The following KANTR variants were observed in gnomAD, a reference collection of about 807,000 sequenced individuals.
KANTR encodes the protein KDM5C adjacent transcript.
intron 2 of KANTR, among the ~76,000 whole-genome samples, chrX:53,110,186 C>G (rs950297478): frequency 8.0e-5 from 9 of 111,887 alleles, no homozygotes; most frequent in South Asian, 3.7e-4. Context: ...TGACTTATTC[C>G]TCTGGCTGGA....
chrX:53,123,128 A>C (rs1448487077), intron 2 of KANTR, among the ~76,000 whole-genome samples: 1 of 109,922 alleles, frequency 9.1e-6, no homozygotes, highest in African/African-American at 3.3e-5. Context: ...TTCCATGTTT[A>C]TTTTATAAGC....
chrX:53,108,549 A>G (rs1366445807), intron 2 of KANTR, among the ~76,000 whole-genome samples: 1 of 112,099 alleles, frequency 8.9e-6, no homozygotes. Context: ...TAGAAATACA[A>G]TAGATTTTTG....
At chrX:53,147,277 A>G (rs782446787), downstream of KANTR, among the ~76,000 whole-genome samples, 4 of 111,927 alleles carry the variant, frequency 3.6e-5, no homozygotes, top group African/African-American at 6.5e-5. Context: ...AGGAAGACCT[A>G]CGAAGCAAAT....
At chrX:53,116,333 G>A (rs1052882162) in intron 2 of KANTR, among the ~76,000 whole-genome samples, 1 of 112,159 alleles carries the variant, frequency 8.9e-6, no homozygotes, top group African/African-American at 3.2e-5. Context: ...CTTTCACTTT[G>A]TACTTGCACA....
At chrX:53,142,976 T>C, downstream of KANTR, 4 of 1,007,220 alleles carry the variant, frequency 4.0e-6, no homozygotes, top group Non-Finnish European at 4.2e-6. Flanking sequence ...TTCATGGTGC[T>C]GGATGCCAGC....
intron 2 of KANTR, among the ~76,000 whole-genome samples, chrX:53,117,049 A>C (rs1241899919): frequency 9.0e-6 from 1 of 111,656 alleles, no homozygotes; most frequent in Admixed American, 9.5e-5. Flanking sequence ...TGGGAGGCTG[A>C]GGCGGGTGAA....
At chrX:53,125,475 C>G (rs1182225283) in exon 3 of KANTR, 2 of 111,317 alleles carry the variant, frequency 1.8e-5, no homozygotes, top group African/African-American at 6.5e-5. Flanking sequence ...TTCATTTTCT[C>G]TTTTCTCGCC....
intron 1 of KANTR, among the ~76,000 whole-genome samples, chrX:53,098,050 C>CAAAAAAAA (rs782145330): frequency 3.9e-4 from 17 of 44,067 alleles, no homozygotes; most frequent in Non-Finnish European, 5.2e-4. Context: ...GACTCTGTCT[C>CAAAAAAAA]AAAAAAAAAA....
intron 2 of KANTR, among the ~76,000 whole-genome samples, chrX:53,108,491 C>G (rs782411021): frequency 6.5e-4 from 73 of 111,501 alleles, no homozygotes; most frequent in African/African-American, 2.2e-3. Flanking sequence ...GCATGAACCA[C>G]TGCACCCAGC....
At chrX:53,127,645 C>A (rs1933305305), downstream of KANTR, among the ~76,000 whole-genome samples, 1 of 111,333 alleles carries the variant, frequency 9.0e-6, no homozygotes, top group Non-Finnish European at 1.9e-5. Context: ...GTGGCAAAGC[C>A]CCATATTTTC....
chrX:53,126,604 G>A (rs1345731867), exon 3 of KANTR: 1 of 111,621 alleles, frequency 9.0e-6, no homozygotes, highest in Admixed American at 9.5e-5. Flanking sequence ...TCATCTTAGT[G>A]ATTACATCTG....
chrX:53,116,871 G>T (rs1933131209), intron 2 of KANTR, among the ~76,000 whole-genome samples: 1 of 111,533 alleles, frequency 9.0e-6, no homozygotes, highest in South Asian at 3.8e-4. Flanking sequence ...ACATGCCTTT[G>T]CAGTTATGAC....
At chrX:53,095,900 C>T (rs1320912534) in intron 1 of KANTR, among the ~76,000 whole-genome samples, 1 of 111,003 alleles carries the variant, frequency 9.0e-6, no homozygotes, top group Non-Finnish European at 1.9e-5. Flanking sequence ...CCTTATCTCC[C>T]ACCACTCTCC....
intron 1 of KANTR, among the ~76,000 whole-genome samples, chrX:53,098,244 T>TAA (rs1265816649): frequency 8.1e-5 from 9 of 110,976 alleles, no homozygotes; most frequent in Non-Finnish European, 3.8e-5. Flanking sequence ...CATAGTCTAT[T>TAA]AAGTGTACAA....
At chrX:53,140,102 G>A (rs1933480641) in intron 2 of KANTR, among the ~76,000 whole-genome samples, 1 of 112,473 alleles carries the variant, frequency 8.9e-6, no homozygotes, top group African/African-American at 3.2e-5. Context: ...AAGTGGCGGT[G>A]GGGGTGTAAG....
intron 2 of KANTR, among the ~76,000 whole-genome samples, chrX:53,101,198 G>C (rs1303714990): frequency 2.7e-5 from 3 of 112,962 alleles, no homozygotes; most frequent in African/African-American, 9.6e-5. Context: ...CTTTTCCTTT[G>C]CATTCACAAC....
At chrX:53,109,008 T>G (rs1388377800) in intron 2 of KANTR, among the ~76,000 whole-genome samples, 2 of 112,255 alleles carry the variant, frequency 1.8e-5, no homozygotes, top group African/African-American at 3.2e-5. Context: ...CAGATTACTT[T>G]GGCTATTTGG....
At chrX:53,108,275 C>G (rs1326165100) in intron 2 of KANTR, among the ~76,000 whole-genome samples, 1 of 108,588 alleles carries the variant, frequency 9.2e-6, no homozygotes, top group African/African-American at 3.4e-5. Flanking sequence ...GATCTCAGCT[C>G]ACTGCAACCT....
At chrX:53,108,007 A>G (rs1932975717) in intron 2 of KANTR, among the ~76,000 whole-genome samples, 1 of 108,645 alleles carries the variant, frequency 9.2e-6, no homozygotes, top group Non-Finnish European at 1.9e-5. Context: ...CTCCTGCCTC[A>G]GCCTCCAGAG....
Sources: gnomAD v4.1 joint callset for allele counts (sites outside exome capture counted in the v4.1 genomes callset) on GRCh38, gnomAD v4.1.1 for gene constraint, MANE v1.5 for transcripts, NCBI Gene and HGNC (gene_info 2026-07-23, HGNC 2026-07-21) for gene names.